Variants in CHRM3 observed in about 807,000 individuals in gnomAD.
CHRM3 encodes muscarinic acetylcholine receptor M3.
CHRM3 carries 11 observed loss-of-function variants against 41.8 expected under a neutral mutation model. The observed-to-expected ratio is 0.26, with a 90% CI of 0.17 to 0.44. The LOEUF (loss-of-function observed/expected upper bound fraction) is 0.44, where lower values mean the gene tolerates loss of function less well. Among genes scored for constraint, CHRM3 ranks in the 20% least tolerant of loss-of-function variants. The pLI is 1.00. For missense variants in CHRM3, 571 were observed against 745.4 expected, an observed-to-expected ratio of 0.77 and a Z score of 2.72; for synonymous variants, 297 against 301.4, an observed-to-expected ratio of 0.99 and a Z score of 0.15.
At chr1:239,538,789 A>C (rs570222418) in intron 2 of CHRM3, among the ~76,000 whole-genome samples, 1 of 152,306 alleles carries the variant, frequency 6.6e-6, no homozygotes, top group Admixed American at 6.5e-5. Flanking sequence ...CCTACCCAGT[A>C]GCAATTTGAA....
At chr1:239,712,934 G>A (rs1348308879) in intron 5 of CHRM3, among the ~76,000 whole-genome samples, 1 of 152,148 alleles carries the variant, frequency 6.6e-6, no homozygotes, top group Non-Finnish European at 1.5e-5. Flanking sequence ...TTAAACATAG[G>A]TATGATACAG....
rs562221449 is a variant in CHRM3 at position 239,618,850 on chromosome 1, A to G, written c.-312-13374A>G. 1.5e-3 allele frequency among the ~76,000 whole-genome samples: 227 copies of G among 150,926 alleles called. 1 individual carries two copies. Among genetic ancestry groups the G allele is most frequent in the African/African-American group, 4.9e-3 (200 of 41,154 alleles). On this transcript the variant is annotated intron_variant, in intron 3 of 6. Transcript: ENST00000676153. Reference sequence around the variant, plus strand: ...CAGAGCGAGACTCTGTCAGAAAAAAAAAAAAAAAAAAGTAAAGATGACATT... The same window carrying G: ...CAGAGCGAGACTCTGTCAGAAAAAAGAAAAAAAAAAAGTAAAGATGACATT...
chr1:239,565,973 C>T (rs1412000025), intron 3 of CHRM3, among the ~76,000 whole-genome samples: 1 of 138,846 alleles, frequency 7.2e-6, no homozygotes, highest in East Asian at 2.1e-4. Flanking sequence ...GGAGTGCAGT[C>T]GTGTGATCAT....
rs150753532 is a variant in CHRM3, at chr1:239,712,201, T to C, written c.-147+33913T>C. The stretch of plus-strand genomic sequence containing the variant: ...GTTTAAAAAATAATTTTATTCACTA[T>C]AATTGTCCCAGTTATCTTGGTCCCC... On this transcript the variant is annotated intron_variant, in intron 5 of 6. Transcript: ENST00000676153. Among the ~76,000 whole-genome samples the C allele has an allele frequency of 5.4e-3, 825 of 152,348 alleles. 10 individuals are homozygous for C. Among genetic ancestry groups the C allele is most frequent in the African/African-American group, 0.019 (786 of 41,584 alleles).
intron 3 of CHRM3, among the ~76,000 whole-genome samples, chr1:239,613,269 C>T (rs1667267997): frequency 6.6e-6 from 1 of 152,188 alleles, no homozygotes; most frequent in Non-Finnish European, 1.5e-5. Context: ...AACATTTGAT[C>T]ATCCTTAAGG....
chr1:239,677,182 G>T (rs997607584), intron 4 of CHRM3, among the ~76,000 whole-genome samples: 1 of 152,020 alleles, frequency 6.6e-6, no homozygotes, highest in Admixed American at 6.5e-5. Flanking sequence ...TCCTGAATGG[G>T]GGTGATCTAC....
chr1:239,796,298 C>T (rs557369154), intron 5 of CHRM3, among the ~76,000 whole-genome samples: 1 of 151,658 alleles, frequency 6.6e-6, no homozygotes, highest in Non-Finnish European at 1.5e-5. Context: ...GGAGGGCAGT[C>T]ACAGAGAAAA....
intron 5 of CHRM3, among the ~76,000 whole-genome samples, chr1:239,723,837 G>T (rs750100067): frequency 2.6e-5 from 4 of 151,786 alleles, no homozygotes; most frequent in Non-Finnish European, 5.9e-5. Flanking sequence ...TAAAGATGAG[G>T]CCTCATAGTA....
chr1:239,712,436 A>T (rs1346137644), intron 5 of CHRM3, among the ~76,000 whole-genome samples: 1 of 152,232 alleles, frequency 6.6e-6, no homozygotes, highest in Admixed American at 6.5e-5. Context: ...TTGAAAGTTG[A>T]AAATGACAAA....
intron 4 of CHRM3, among the ~76,000 whole-genome samples, chr1:239,646,242 G>T (rs536968722): frequency 4.6e-5 from 7 of 152,260 alleles, no homozygotes; most frequent in African/African-American, 1.7e-4. Flanking sequence ...TTCAATTCCT[G>T]TTATATGTTC....
intron 5 of CHRM3, among the ~76,000 whole-genome samples, chr1:239,765,822 T>TA (rs1401609437): frequency 6.6e-6 from 1 of 151,352 alleles, no homozygotes; most frequent in African/African-American, 2.4e-5. Flanking sequence ...TTTTATCTTT[T>TA]TTTTTTTTTT....
At chr1:239,808,060 A>G (rs1670803454) in intron 5 of CHRM3, among the ~76,000 whole-genome samples, 1 of 152,134 alleles carries the variant, frequency 6.6e-6, no homozygotes, top group African/African-American at 2.4e-5. Context: ...GGAATTCTTT[A>G]TCGGTAATCG....
chr1:239,868,560 C>T (rs1464512844), intron 6 of CHRM3, among the ~76,000 whole-genome samples: 1 of 152,180 alleles, frequency 6.6e-6, no homozygotes, highest in African/African-American at 2.4e-5. Context: ...TTCTCTCACC[C>T]AGAGCTTCAA....
At chr1:239,640,554 G>C (rs1671013665) in intron 4 of CHRM3, among the ~76,000 whole-genome samples, 3 of 152,128 alleles carry the variant, frequency 2.0e-5, no homozygotes, top group African/African-American at 7.2e-5. Flanking sequence ...TATTTGTGTA[G>C]AGGTGTTTGT....
intron 5 of CHRM3, among the ~76,000 whole-genome samples, chr1:239,769,212 G>A (rs935591436): frequency 2.6e-5 from 4 of 152,168 alleles, no homozygotes; most frequent in Admixed American, 6.5e-5. Flanking sequence ...TGAACAGGTA[G>A]GCAATGGATA....
At chr1:239,767,154 A>G (rs190469937) in intron 5 of CHRM3, among the ~76,000 whole-genome samples, 1 of 152,186 alleles carries the variant, frequency 6.6e-6, no homozygotes, top group Admixed American at 6.5e-5. Flanking sequence ...AAAAGTTCAG[A>G]AAATCTTTGT....
chr1:239,448,606 C>T (rs909350031), intron 1 of CHRM3, among the ~76,000 whole-genome samples: 2 of 152,014 alleles, frequency 1.3e-5, no homozygotes, highest in African/African-American at 4.8e-5. Context: ...AGAAAAGGTT[C>T]CCCAAGTTGT....
chr1:239,427,256 T>C (rs1482882682), intron 1 of CHRM3, among the ~76,000 whole-genome samples: 2 of 152,052 alleles, frequency 1.3e-5, no homozygotes, highest in Non-Finnish European at 2.9e-5. Context: ...CAAGACTATA[T>C]ATAAAGGTTG....
chr1:239,682,217 C>T (rs1403660086), intron 5 of CHRM3, among the ~76,000 whole-genome samples: 1 of 152,176 alleles, frequency 6.6e-6, no homozygotes, highest in Non-Finnish European at 1.5e-5. Context: ...TCAAGATGGA[C>T]TGGCCTCGTG....
Sources: allele counts gnomAD v4.1 joint callset (sites outside exome capture counted in the v4.1 genomes callset), GRCh38; gene constraint gnomAD v4.1.1; transcripts MANE v1.5; gene names NCBI Gene and HGNC (gene_info 2026-07-23, HGNC 2026-07-21).